The following STARD13 variants were observed in gnomAD, a reference collection of about 807,000 sequenced individuals.
STARD13 encodes the protein stAR-related lipid transfer protein 13.
A neutral mutation model predicts 106.4 loss-of-function variants in STARD13; 62 were observed. That is an observed-to-expected ratio of 0.58 (90% confidence interval 0.48 to 0.72). The LOEUF (loss-of-function observed/expected upper bound fraction) is 0.72. STARD13 is among the 30% of genes least tolerant of loss of function. The pLI is 0.00. For missense variants in STARD13, 1,387 were observed against 1,424.0 expected (o/e 0.97, Z 0.42); for synonymous variants, 565 against 553.0 (o/e 1.02, Z -0.31).
the STARD13 span, among the ~76,000 whole-genome samples, chr13:33,410,792 C>T: frequency 6.6e-6 from 1 of 152,220 alleles, no homozygotes; most frequent in Non-Finnish European, 1.5e-5. Context: ...TGTCCTCTGG[C>T]AGACAATCTC....
the STARD13 span, among the ~76,000 whole-genome samples, chr13:33,513,899 C>G: frequency 1.3e-5 from 2 of 151,992 alleles, no homozygotes; most frequent in Non-Finnish European, 2.9e-5. Flanking sequence ...CGTAACGTAA[C>G]AAGGAAGATA....
the STARD13 span, among the ~76,000 whole-genome samples, chr13:33,479,548 A>G: frequency 6.6e-6 from 1 of 152,240 alleles, no homozygotes; most frequent in African/African-American, 2.4e-5. Context: ...TGAACAAAGA[A>G]ATAAACGTTC....
At chr13:33,123,055 C>CAAAAAAAAAAAAAA (rs71071079) in intron 7 of STARD13, among the ~76,000 whole-genome samples, 2 of 45,858 alleles carry the variant, frequency 4.4e-5, no homozygotes, top group Non-Finnish European at 3.8e-5. Flanking sequence ...GACTCCATCT[C>CAAAAAAAAAAAAAA]AAAAAAAAAA....
intron 1 of STARD13, chr13:33,205,763 G>C (rs570529494): frequency 2.7e-6 from 2 of 735,962 alleles, no homozygotes; most frequent in South Asian, 6.2e-5. Context: ...TACATAGGAA[G>C]TAACTGTTGT....
chr13:33,113,892 C>T (rs1442889228), intron 8 of STARD13, among the ~76,000 whole-genome samples: 1 of 152,134 alleles, frequency 6.6e-6, no homozygotes, highest in Non-Finnish European at 1.5e-5. Flanking sequence ...CACTTTAGTC[C>T]TCTCACTGCG....
Position 33,126,074 on chromosome 13 carries a change from G to C in STARD13, c.2082+7C>G. Reference sequence around the variant, plus strand: ...GTGGGGCAGCAGCGGGGGGGTTACAGCCCTACCTGATCGAGGCAGTTGCTG... The same window carrying C: ...GTGGGGCAGCAGCGGGGGGGTTACACCCCTACCTGATCGAGGCAGTTGCTG... On this transcript the variant is annotated splice_region_variant and intron_variant, in intron 7 of 13. Transcript: ENST00000336934. The C allele has an allele frequency of 6.2e-7, 1 of 1,613,426 alleles. No individual in the cohort carries two copies. Among genetic ancestry groups the C allele is most frequent in the Non-Finnish European group, 8.5e-7 (1 of 1,179,870 alleles).
chr13:33,626,459 T>C, the STARD13 span, among the ~76,000 whole-genome samples: 8 of 152,184 alleles, frequency 5.3e-5, no homozygotes, highest in Non-Finnish European at 1.2e-4. Context: ...GTTGGTGAAA[T>C]CTTCACCTAC....
At position 33,110,726 on chromosome 13, in the gene STARD13, G is replaced by T; in HGVS notation, c.2789C>A (p.Thr930Lys). The part of the protein sequence containing the change: ...EAKEKFKGWV[T>K]CSSTDNTDLA... ...ATCTGTATTGTCCGTGCTGGAGCAC[G>T]TGACCCATCCTTTGAACTTCTCCTT... Residue 930 changes from threonine (T) to lysine (K), a missense_variant, in exon 11 of 14, where the codon ACG becomes AAG. By Grantham distance (78) the Thr-to-Lys change is moderately conservative. Transcript: ENST00000336934. The T allele has an allele frequency of 6.2e-7, 1 of 1,614,218 alleles. No homozygotes were observed. The highest frequency in any genetic ancestry group is 1.1e-5 in the South Asian group (1 of 91,082).
chr13:33,484,796 T>G, the STARD13 span, among the ~76,000 whole-genome samples: 2 of 152,200 alleles, frequency 1.3e-5, no homozygotes, highest in Non-Finnish European at 2.9e-5. Flanking sequence ...ATGTAGTCAT[T>G]TCCAAGTATG....
the STARD13 span, among the ~76,000 whole-genome samples, chr13:33,372,084 A>G: frequency 6.6e-6 from 1 of 152,238 alleles, no homozygotes; most frequent in Non-Finnish European, 1.5e-5. Flanking sequence ...CTTCAAAACA[A>G]AGGTTAGTGA....
intron 12 of STARD13, among the ~76,000 whole-genome samples, chr13:33,109,492 C>A (rs1295592189): frequency 1.3e-5 from 2 of 152,138 alleles, no homozygotes; most frequent in Non-Finnish European, 2.9e-5. Context: ...ACACACTTTC[C>A]CAGGGGAGAA....
chr13:33,657,325 C>T, the STARD13 span: 2 of 152,000 alleles, frequency 1.3e-5, no homozygotes, highest in Admixed American at 6.6e-5. Flanking sequence ...TCCCCCAATA[C>T]CTGATTCATT....
intron 1 of STARD13, among the ~76,000 whole-genome samples, chr13:33,260,806 G>A (rs1178882869): frequency 6.6e-6 from 1 of 152,116 alleles, no homozygotes; most frequent in African/African-American, 2.4e-5. Context: ...TTAATAAACA[G>A]GATTTTTTTC....
the STARD13 span, among the ~76,000 whole-genome samples, chr13:33,545,045 C>A: frequency 6.6e-6 from 1 of 152,012 alleles, no homozygotes; most frequent in Non-Finnish European, 1.5e-5. Flanking sequence ...AACCTCTGCT[C>A]CCAGGTTCAA....
At position 33,110,668 on chromosome 13, in the gene STARD13, T is replaced by G; in HGVS notation, c.2829+18A>C. On this transcript the variant is annotated intron_variant, in intron 11 of 13. Transcript: ENST00000336934. Reference sequence around the variant, plus strand: ...TGTGGCTTTCTGGGGGTGATCTTTTTCCATCCTCTGAGATTACCTTTTTGA... The same window carrying G: ...TGTGGCTTTCTGGGGGTGATCTTTTGCCATCCTCTGAGATTACCTTTTTGA... 6.2e-7 allele frequency: 1 copy of G among 1,606,118 alleles called. No homozygotes were observed. The highest frequency in any genetic ancestry group is 8.5e-7 in the Non-Finnish European group (1 of 1,172,860).
At chr13:33,373,302 G>A in the STARD13 span, among the ~76,000 whole-genome samples, 5 of 152,040 alleles carry the variant, frequency 3.3e-5, no homozygotes, top group African/African-American at 1.2e-4. Context: ...CGATCTCATT[G>A]GATTTGACCA....
upstream of STARD13, among the ~76,000 whole-genome samples, chr13:33,351,900 C>T (rs1357405902): frequency 2.0e-5 from 3 of 152,174 alleles, no homozygotes; most frequent in East Asian, 5.8e-4. Flanking sequence ...TACACTTCTG[C>T]TACACTTCTA....
At chr13:33,570,522 A>G in the STARD13 span, among the ~76,000 whole-genome samples, 10 of 148,358 alleles carry the variant, frequency 6.7e-5, no homozygotes, top group Admixed American at 6.9e-4. Context: ...TGGAACATTT[A>G]TAAGGATCAT....
the STARD13 span, among the ~76,000 whole-genome samples, chr13:33,409,688 G>C: frequency 1.3e-5 from 2 of 152,196 alleles, no homozygotes; most frequent in Non-Finnish European, 2.9e-5. Context: ...TGGATATTAT[G>C]TTCAGAACTT....
Sources: gnomAD v4.1 joint callset for allele counts (sites outside exome capture counted in the v4.1 genomes callset) on GRCh38, gnomAD v4.1.1 for gene constraint, MANE v1.5 for transcripts, NCBI Gene and HGNC (gene_info 2026-07-23, HGNC 2026-07-21) for gene names.